Variants in TMSB15B observed in about 807,000 individuals in gnomAD.
TMSB15B encodes the protein thymosin beta 15B, also known as thymosin beta-15B.
intron 1 of TMSB15B, among the ~76,000 whole-genome samples, chrX:103,953,884 C>G (rs2075044903): frequency 9.0e-6 from 1 of 111,501 alleles, no homozygotes; most frequent in African/African-American, 3.3e-5. Context: ...AACAAAGAAG[C>G]AGAGACCCTA....
chrX:103,940,871 G>A (rs1455839921), intron 1 of TMSB15B, among the ~76,000 whole-genome samples: 6 of 111,631 alleles, frequency 5.4e-5, no homozygotes, highest in African/African-American at 2.0e-4. Flanking sequence ...CTGGTCTTTG[G>A]GTTGCAAAGA....
At chrX:103,974,389 GTATA>G in the TMSB15B span, among the ~76,000 whole-genome samples, 233 of 13,551 alleles carry the variant, frequency 0.017, 15 homozygotes, top group Non-Finnish European at 0.058. Flanking sequence ...ATATATATAT[GTATA>G]TATATATATA....
chrX:103,925,740 C>T (rs1556318710), intron 1 of TMSB15B, among the ~76,000 whole-genome samples: 1 of 112,279 alleles, frequency 8.9e-6, no homozygotes, highest in Non-Finnish European at 1.9e-5. Flanking sequence ...AGTTGGGAGT[C>T]CTTGCACTGC....
chrX:103,949,611 G>C (rs2075034190), intron 1 of TMSB15B, among the ~76,000 whole-genome samples: 1 of 112,149 alleles, frequency 8.9e-6, no homozygotes, highest in South Asian at 3.7e-4. Context: ...AAGTGAGGAA[G>C]GCAGTAGGAG....
At chrX:103,940,917 C>A (rs1217526152) in intron 1 of TMSB15B, among the ~76,000 whole-genome samples, 1 of 111,408 alleles carries the variant, frequency 9.0e-6, no homozygotes, top group Non-Finnish European at 1.9e-5. Context: ...CCAGATAGCA[C>A]AGTCCCTCAT....
intron 1 of TMSB15B, chrX:103,928,601 G>A (rs1159707855): frequency 2.1e-5 from 24 of 1,160,554 alleles, no homozygotes; most frequent in South Asian, 9.0e-5. Context: ...CTTTGGGGGC[G>A]GCTGTCACGG....
intron 1 of TMSB15B, among the ~76,000 whole-genome samples, chrX:103,934,611 T>C (rs1216973644): frequency 9.0e-6 from 1 of 111,411 alleles, no homozygotes; most frequent in Non-Finnish European, 1.9e-5. Flanking sequence ...TGTTCCTGTA[T>C]TAGTTTGCTG....
At chrX:103,923,379 A>G (rs1421842631) in intron 1 of TMSB15B, among the ~76,000 whole-genome samples, 43 of 112,115 alleles carry the variant, frequency 3.8e-4, no homozygotes, top group Admixed American at 2.8e-4. Flanking sequence ...TAATTTTTGT[A>G]TAAGGTGTAA....
intron 1 of TMSB15B, among the ~76,000 whole-genome samples, chrX:103,923,078 G>T (rs1395186131): frequency 2.7e-5 from 3 of 111,839 alleles, no homozygotes; most frequent in African/African-American, 9.7e-5. Context: ...CATTTGTTTA[G>T]GTTCTTTGTA....
chrX:103,939,405 G>A (rs782716759), intron 1 of TMSB15B, among the ~76,000 whole-genome samples: 1 of 108,612 alleles, frequency 9.2e-6, no homozygotes, highest in Non-Finnish European at 1.9e-5. Context: ...TCATTAAGCT[G>A]ATCTTCAATC....
intron 1 of TMSB15B, among the ~76,000 whole-genome samples, chrX:103,920,497 T>G (rs782515333): frequency 1.8e-5 from 2 of 111,477 alleles, no homozygotes; most frequent in Non-Finnish European, 3.8e-5. Flanking sequence ...ATCAGTGTAT[T>G]TGTCCATGGC....
intron 1 of TMSB15B, among the ~76,000 whole-genome samples, chrX:103,945,218 C>A (rs1301731736): frequency 3.6e-5 from 4 of 112,632 alleles, no homozygotes; most frequent in Admixed American, 9.4e-5. Context: ...TGCTTGTCTT[C>A]GTCCATTTTG....
At chrX:103,954,666 CA>C (rs1332662248) in intron 1 of TMSB15B, among the ~76,000 whole-genome samples, 1 of 111,470 alleles carries the variant, frequency 9.0e-6, no homozygotes, top group African/African-American at 3.3e-5. Context: ...CTTGCCTCAC[CA>C]GCGAACAGTG....
intron 1 of TMSB15B, among the ~76,000 whole-genome samples, chrX:103,952,313 A>G (rs1356655899): frequency 8.9e-6 from 1 of 112,016 alleles, no homozygotes. Context: ...TTCTGACAAC[A>G]GCAATAAGAG....
intron 1 of TMSB15B, among the ~76,000 whole-genome samples, chrX:103,949,197 T>C (rs782817015): frequency 9.0e-6 from 1 of 111,728 alleles, no homozygotes; most frequent in Non-Finnish European, 1.9e-5. Context: ...AGATCAGAGA[T>C]ACAATGGAGA....
At chrX:103,928,670 A>G in intron 1 of TMSB15B, 1 of 1,157,146 alleles carries the variant, frequency 8.6e-7, no homozygotes, top group Non-Finnish European at 1.2e-6. Flanking sequence ...AGCACTCTAT[A>G]TTTTTCTTTC....
At chrX:103,936,563 T>G (rs1408404849) in intron 1 of TMSB15B, among the ~76,000 whole-genome samples, 1 of 112,034 alleles carries the variant, frequency 8.9e-6, no homozygotes, top group Non-Finnish European at 1.9e-5. Context: ...ACCATGGGGT[T>G]TCTAAATATA....
chrX:103,934,748 T>C (rs1221667810), intron 1 of TMSB15B, among the ~76,000 whole-genome samples: 1 of 111,613 alleles, frequency 9.0e-6, no homozygotes, highest in Admixed American at 9.5e-5. Context: ...CATTGATGGG[T>C]ATTTGGGTTG....
chrX:103,922,014 A>T (rs1677033489), intron 1 of TMSB15B, among the ~76,000 whole-genome samples: 1 of 111,027 alleles, frequency 9.0e-6, no homozygotes, highest in African/African-American at 3.3e-5. Context: ...CCAGTTCATT[A>T]GACCGATTGC....
Sources: allele counts gnomAD v4.1 joint callset (sites outside exome capture counted in the v4.1 genomes callset), GRCh38; gene constraint gnomAD v4.1.1; transcripts MANE v1.5; gene names NCBI Gene and HGNC (gene_info 2026-07-23, HGNC 2026-07-21).